Variants in KDM5A observed in about 807,000 individuals in gnomAD.
KDM5A encodes lysine demethylase 5A.
Under a neutral mutation model 193.5 loss-of-function variants are expected in KDM5A, and 42 were observed. The observed-to-expected ratio is 0.22, with a 90% confidence interval of 0.17 to 0.28. KDM5A has a LOEUF of 0.28. Among genes scored for constraint, KDM5A ranks in the 10% least tolerant of loss-of-function variants. The pLI, the probability that KDM5A is intolerant of heterozygous loss-of-function variation, is 1.00. For synonymous variants in KDM5A, 796 were observed against 718.1 expected (o/e 1.11, Z -1.73); for missense variants, 1,692 against 2,055.1 (o/e 0.82, Z 3.42).
At chr12:318,944 T>C (rs1420248140) in intron 18 of KDM5A, among the ~76,000 whole-genome samples, 1 of 152,050 alleles carries the variant, frequency 6.6e-6, no homozygotes, top group Non-Finnish European at 1.5e-5. Flanking sequence ...TGAAACTAAA[T>C]TGAGGGTTGG....
intron 13 of KDM5A, among the ~76,000 whole-genome samples, 198 bp downstream of exon 13, chr12:331,618 TAAG>T (rs757488432): frequency 1.6e-4 from 24 of 152,054 alleles, no homozygotes; most frequent in Non-Finnish European, 2.9e-4. Flanking sequence ...AATAAATGGG[TAAG>T]AAGAACTATA....
chr12:388,217 T>C (rs1423408953), intron 1 of KDM5A: 1 of 452,044 alleles, frequency 2.2e-6, no homozygotes, highest in South Asian at 1.6e-5. Context: ...CAAGGGATAG[T>C]ATCTGTTTTC....
chr12:345,309 C>G (rs773800102), intron 10 of KDM5A, among the ~76,000 whole-genome samples: 7 of 152,156 alleles, frequency 4.6e-5, no homozygotes, highest in Non-Finnish European at 7.3e-5. Flanking sequence ...GACTCCCACA[C>G]AATGATAATG....
intron 5 of KDM5A, among the ~76,000 whole-genome samples, 185 bp from the exon 6 acceptor site, chr12:356,722 C>A (rs1944233646): frequency 6.6e-6 from 1 of 152,164 alleles, no homozygotes. Context: ...CATTCAACAC[C>A]CAGATTCCTT....
chr12:294,666 T>C (rs1179531760), intron 26 of KDM5A, among the ~76,000 whole-genome samples: 2 of 152,200 alleles, frequency 1.3e-5, no homozygotes, highest in African/African-American at 2.4e-5. Context: ...GTTGGTGACA[T>C]GGCACCATTC....
At chr12:318,972 A>T (rs1264390007) in intron 18 of KDM5A, among the ~76,000 whole-genome samples, 1 of 152,246 alleles carries the variant, frequency 6.6e-6, no homozygotes, top group African/African-American at 2.4e-5. Flanking sequence ...CTACAAGAGG[A>T]TCTGAAGGAA....
chr12:306,734 C>A (rs1356100736), intron 24 of KDM5A, among the ~76,000 whole-genome samples: 2 of 147,954 alleles, frequency 1.4e-5, no homozygotes. Flanking sequence ...CAGAGCGAGA[C>A]TCCATCTCCA....
intron 13 of KDM5A, chr12:329,261 G>A (rs554440305): frequency 1.8e-6 from 1 of 551,678 alleles, no homozygotes; most frequent in African/African-American, 1.9e-5. Context: ...CTAAATTTCT[G>A]GCCTAAACTG....
intron 27 of KDM5A, among the ~76,000 whole-genome samples, chr12:289,307 G>A (rs1026734095): frequency 6.6e-6 from 1 of 151,918 alleles, no homozygotes; most frequent in Non-Finnish European, 1.5e-5. Flanking sequence ...TTTATCTTTG[G>A]TACCAATAAG....
chr12:322,413 T>A lies in KDM5A; in HGVS notation c.2426+4A>T. 1 of 1,611,150 alleles carries A rather than the reference T, an allele frequency of 6.2e-7. No homozygotes were observed. Reference sequence around the variant, plus strand: ...CTGGAGAATTAAACTCTTCTTAGGTTTACCTGTGTTTCTGCTTTTTGCTCA... The same window carrying A: ...CTGGAGAATTAAACTCTTCTTAGGTATACCTGTGTTTCTGCTTTTTGCTCA... On this transcript the variant is annotated splice_donor_region_variant and intron_variant, in intron 17 of 27. Transcript: ENST00000399788.
chr12:301,955 C>T (rs1258370810), intron 24 of KDM5A, among the ~76,000 whole-genome samples: 1 of 152,150 alleles, frequency 6.6e-6, no homozygotes, highest in Non-Finnish European at 1.5e-5. Context: ...CCTAGGAATA[C>T]AACTTACAAA....
At chr12:299,760 G>A (rs1054544576) in intron 24 of KDM5A, among the ~76,000 whole-genome samples, 1 of 151,982 alleles carries the variant, frequency 6.6e-6, no homozygotes, top group African/African-American at 2.4e-5. Context: ...ATTGGATAAA[G>A]AGTCAAGACC....
At chr12:290,472 C>G (rs1254415318) in intron 27 of KDM5A, among the ~76,000 whole-genome samples, 3 of 152,130 alleles carry the variant, frequency 2.0e-5, no homozygotes, top group African/African-American at 7.2e-5. Context: ...GAGCACTCAG[C>G]CAAATCTCCT....
chr12:300,402 C>T (rs998717415), intron 24 of KDM5A, among the ~76,000 whole-genome samples: 29 of 152,064 alleles, frequency 1.9e-4, no homozygotes, highest in East Asian at 7.7e-4. Flanking sequence ...CACAACTACA[C>T]GGAAACTTAA....
At chr12:300,111 C>G (rs571890203) in intron 24 of KDM5A, among the ~76,000 whole-genome samples, 11 of 150,968 alleles carry the variant, frequency 7.3e-5, no homozygotes, top group Non-Finnish European at 1.5e-4. Flanking sequence ...CCCCACTGTC[C>G]ATATTAGATC....
rs752225628 is a variant in KDM5A, at chr12:323,182, G to A, written c.2175C>T (p.Leu725=). Residue 725 remains leucine, a synonymous_variant, in exon 16 of 28, where the codon CTC becomes CTT. Coordinates refer to ENST00000399788, the MANE Select transcript of KDM5A (RefSeq NM_001042603.3). ...CTTTTACACCATATAGCAGAGAAGG[G>A]AGGTCTTCTAATGGGTAGCGATATC... ...CLRYRYPLED[L]PSLLYGVKVR... 4.9e-6 allele frequency: 5 copies of A among 1,024,012 alleles called. No individual in the cohort carries two copies. Among genetic ancestry groups the A allele is most frequent in the Non-Finnish European group, 7.1e-6 (5 of 707,854 alleles). The allele number at this position is 1,024,012 out of a possible 1,614,324, so 63.4% of individuals were successfully genotyped here.
intron 6 of KDM5A, 137 bp downstream of exon 6, chr12:356,295 G>T: frequency 1.5e-6 from 1 of 669,948 alleles, no homozygotes; most frequent in East Asian, 2.7e-5. Flanking sequence ...TAAAAAAGGC[G>T]ATTTGCCTAG....
At chr12:337,848 G>A (rs765372775) in intron 10 of KDM5A, among the ~76,000 whole-genome samples, 12 of 152,124 alleles carry the variant, frequency 7.9e-5, no homozygotes, top group Non-Finnish European at 1.5e-4. Flanking sequence ...TCACCATGTT[G>A]GCCAGGCTGG....
Position 354,999 on chromosome 12 carries a change from G to A in KDM5A, c.870+159C>T, listed in dbSNP as rs1173546367. 2.0e-5 allele frequency among the ~76,000 whole-genome samples: 3 copies of A among 152,252 alleles called. No individual in the cohort carries two copies. The East Asian group carries it at 5.8e-4, about 29-fold the overall frequency. Reference sequence around the variant, plus strand: ...GCCTACGTATGTAGGACAGAGCCAGGTTAACAACATAAACAAAAGCTGTAA... The same window carrying A: ...GCCTACGTATGTAGGACAGAGCCAGATTAACAACATAAACAAAAGCTGTAA... On this transcript the variant is annotated intron_variant, in intron 7 of 27. Transcript: ENST00000399788.
Sources: gnomAD v4.1 joint callset for allele counts (sites outside exome capture counted in the v4.1 genomes callset) on GRCh38, gnomAD v4.1.1 for gene constraint, MANE v1.5 for transcripts, NCBI Gene and HGNC (gene_info 2026-07-23, HGNC 2026-07-21) for gene names.